The following KCTD1 variants were observed in gnomAD, a reference collection of about 807,000 sequenced individuals.
KCTD1 encodes potassium channel tetramerization domain containing 1, also known as BTB/POZ domain-containing protein KCTD1.
Under a neutral mutation model 66.0 loss-of-function variants are expected in KCTD1, and 24 were observed. The ratio of observed to expected loss-of-function variants is 0.36; its 90% CI spans 0.26 to 0.51. The LOEUF is 0.51. Among genes scored for constraint, KCTD1 ranks in the 20% least tolerant of loss-of-function variants. The probability of loss-of-function intolerance (pLI) is 0.95; values close to 1 mark genes in which losing one functional copy is unlikely to be tolerated. For missense variants in KCTD1, 943 were observed against 1,205.2 expected, an observed-to-expected ratio of 0.78 and a Z score of 3.22; for synonymous variants, 511 against 517.2, an observed-to-expected ratio of 0.99 and a Z score of 0.16.
At chr18:26,616,983 G>T (rs765954363) in intron 1 of KCTD1, among the ~76,000 whole-genome samples, 28 of 152,190 alleles carry the variant, frequency 1.8e-4, no homozygotes, top group Non-Finnish European at 7.3e-5. Flanking sequence ...CAGTAATGTG[G>T]AAAACAAGCA....
chr18:26,656,769 G>T (rs1988156506), intron 1 of KCTD1, among the ~76,000 whole-genome samples: 1 of 151,092 alleles, frequency 6.6e-6, no homozygotes, highest in African/African-American at 2.4e-5. Flanking sequence ...CGCCCCCTGC[G>T]CGCCCCGCAG....
At chr18:26,546,315 C>CG (rs1281135121) in intron 1 of KCTD1, among the ~76,000 whole-genome samples, 5 of 151,386 alleles carry the variant, frequency 3.3e-5, no homozygotes, top group African/African-American at 1.2e-4. Context: ...AAGGTCATGG[C>CG]GAATACGTAA....
At chr18:26,498,786 T>C (rs1465963152) in intron 2 of KCTD1, among the ~76,000 whole-genome samples, 2 of 152,086 alleles carry the variant, frequency 1.3e-5, no homozygotes, top group South Asian at 2.1e-4. Flanking sequence ...GGAACAAAAA[T>C]AGACTCTTAG....
chr18:26,521,605 G>A (rs930011735), intron 1 of KCTD1, among the ~76,000 whole-genome samples: 3 of 152,300 alleles, frequency 2.0e-5, no homozygotes, highest in East Asian at 1.9e-4. Flanking sequence ...TGCCCCAGGA[G>A]CTACAAAATT....
chr18:26,624,820 T>C (rs1987464034), intron 1 of KCTD1, among the ~76,000 whole-genome samples: 1 of 152,156 alleles, frequency 6.6e-6, no homozygotes, highest in South Asian at 2.1e-4. Flanking sequence ...ACCATGCACC[T>C]GGAAAAGCCA....
intron 1 of KCTD1, among the ~76,000 whole-genome samples, chr18:26,555,361 G>T (rs10432165): frequency 0.33 from 50,273 of 152,070 alleles, 9,335 homozygotes; most frequent in East Asian, 0.58. Context: ...GGAGGCGAAG[G>T]TTGCAATGAG....
Position 26,608,140 on chromosome 18 carries a change from A to C in KCTD1, c.-16+21007T>G, listed in dbSNP as rs574031832. On this transcript the variant is annotated intron_variant, in intron 1 of 4. Transcript: ENST00000317932. Reference sequence around the variant, plus strand: ...ACATTCACCACTACTCTTGTAAATAAATTTTAAAAGTTTACCTGTTAGCTT... The same window carrying C: ...ACATTCACCACTACTCTTGTAAATACATTTTAAAAGTTTACCTGTTAGCTT... 1.2e-3 allele frequency among the ~76,000 whole-genome samples: 184 copies of C among 152,328 alleles called. 1 individual carries two copies. The highest frequency in any genetic ancestry group is 4.3e-3 in the African/African-American group (178 of 41,572).
intron 3 of KCTD1, among the ~76,000 whole-genome samples, chr18:26,467,389 G>A (rs898742948): frequency 6.6e-6 from 1 of 152,120 alleles, no homozygotes; most frequent in Non-Finnish European, 1.5e-5. Context: ...GGTGGTGCAT[G>A]CCTGCAGCCC....
rs75583707 is a variant in KCTD1 at position 26,609,751 on chromosome 18, C to T, written c.-16+19396G>A. On this transcript the variant is annotated intron_variant, in intron 1 of 4. Coordinates refer to the KCTD1 transcript ENST00000317932. ...TGACTGAAACTACAGCCTTCAAATT[C>T]CAGAAAGAGCCTAGAACATAACTTT... is the stretch of plus-strand genomic sequence containing the variant. Among the ~76,000 whole-genome samples, 602 of 152,268 alleles carry T rather than the reference C, an allele frequency of 4.0e-3. 6 individuals carry two copies. The highest frequency in any genetic ancestry group is 0.014 in the African/African-American group (583 of 41,548).
intron 1 of KCTD1, chr18:26,629,109 C>A: frequency 1.1e-6 from 1 of 933,530 alleles, no homozygotes; most frequent in Non-Finnish European, 1.3e-6. Context: ...AAATCTACAA[C>A]AAATTATGAG....
At chr18:26,482,777 A>C (rs1381733512) in intron 2 of KCTD1, among the ~76,000 whole-genome samples, 2 of 152,150 alleles carry the variant, frequency 1.3e-5, no homozygotes, top group Non-Finnish European at 2.9e-5. Flanking sequence ...GTAATTACAG[A>C]GGGAGGGCTC....
chr18:26,544,985 A>T (rs1985142989), intron 1 of KCTD1: 1 of 152,226 alleles, frequency 6.6e-6, no homozygotes, highest in South Asian at 2.1e-4. Context: ...TTTGGAACTG[A>T]TTTATTTTAC....
chr18:26,655,047 C>T (rs1458261096), intron 1 of KCTD1, among the ~76,000 whole-genome samples: 1 of 152,196 alleles, frequency 6.6e-6, no homozygotes, highest in Non-Finnish European at 1.5e-5. Context: ...TATTAGTTGC[C>T]ACAGATTCCC....
intron 1 of KCTD1, among the ~76,000 whole-genome samples, chr18:26,512,480 C>A (rs1039415990): frequency 6.6e-6 from 1 of 151,920 alleles, no homozygotes; most frequent in Admixed American, 6.6e-5. Context: ...CAGGTTTATA[C>A]GTACATGACT....
chr18:26,615,832 C>T lies in KCTD1; in HGVS notation c.-16+13315G>A, dbSNP rs1987237499. Among the ~76,000 whole-genome samples the T allele has an allele frequency of 2.6e-5, 4 of 152,114 alleles. No homozygotes were observed. In the South Asian group the frequency reaches 8.3e-4, roughly 31 times the overall value. On this transcript the variant is annotated intron_variant, in intron 1 of 4. Coordinates refer to the KCTD1 transcript ENST00000317932. ...TGAGACAGAGTTTTGCTGTTGTTGC[C>T]CAGGCTGGAGTTCAATGGCACTGTC... is the stretch of plus-strand genomic sequence containing the variant.
At chr18:26,600,254 G>C (rs947859469) in intron 1 of KCTD1, 2 of 1,606,888 alleles carry the variant, frequency 1.2e-6, no homozygotes, top group East Asian at 2.2e-5. Flanking sequence ...GATGCCTTCC[G>C]CTGTGCCAGC....
intron 1 of KCTD1, among the ~76,000 whole-genome samples, chr18:26,504,840 G>A (rs1047706247): frequency 6.6e-6 from 1 of 152,184 alleles, no homozygotes; most frequent in African/African-American, 2.4e-5. Context: ...CCAGTAGCTG[G>A]AGCTGACACT....
chr18:26,537,076 G>A (rs1000560335), intron 1 of KCTD1, among the ~76,000 whole-genome samples: 56 of 152,046 alleles, frequency 3.7e-4, no homozygotes, highest in African/African-American at 1.2e-3. Context: ...TGGGGTGAGC[G>A]GAAAAGAAGC....
chr18:26,484,708 A>T (rs1289482769), intron 2 of KCTD1, among the ~76,000 whole-genome samples: 1 of 152,126 alleles, frequency 6.6e-6, no homozygotes, highest in Non-Finnish European at 1.5e-5. Flanking sequence ...TGGGGCCTTA[A>T]ACTGGGCATG....
Sources: allele counts gnomAD v4.1 joint callset (sites outside exome capture counted in the v4.1 genomes callset), GRCh38; gene constraint gnomAD v4.1.1; transcripts MANE v1.5; gene names NCBI Gene and HGNC (gene_info 2026-07-23, HGNC 2026-07-21).